The following SPATA13 variants were observed in gnomAD, a reference collection of about 807,000 sequenced individuals.
SPATA13 encodes the protein spermatogenesis-associated protein 13.
In SPATA13, 50 loss-of-function variants were observed where a neutral mutation model predicts 104.0. That is an observed-to-expected ratio of 0.48 (90% CI 0.38 to 0.61). The LOEUF (loss-of-function observed/expected upper bound fraction) is 0.61, where lower values mean the gene tolerates loss of function less well. SPATA13 is among the 20% of genes least tolerant of loss of function. SPATA13 has a pLI of 0.00. For missense variants in SPATA13, 1,524 were observed against 1,690.6 expected, an observed-to-expected ratio of 0.90 and a Z score of 1.73; for synonymous variants, 606 against 667.5, an observed-to-expected ratio of 0.91 and a Z score of 1.42.
At chr13:24,120,043 G>T (rs558315654) in intron 3 of SPATA13, among the ~76,000 whole-genome samples, 1 of 152,122 alleles carries the variant, frequency 6.6e-6, no homozygotes, top group Non-Finnish European at 1.5e-5. Context: ...AATGGCCGTT[G>T]TTCCATTGAT....
chr13:24,211,147 A>G (rs188667456), intron 1 of SPATA13, among the ~76,000 whole-genome samples: 1 of 152,316 alleles, frequency 6.6e-6, no homozygotes, highest in Admixed American at 6.5e-5. Context: ...ATTAGTTCTA[A>G]CAGTTTTATG....
At chr13:24,184,590 A>G (rs1566137826) in intron 1 of SPATA13, among the ~76,000 whole-genome samples, 3 of 152,090 alleles carry the variant, frequency 2.0e-5, no homozygotes, top group Non-Finnish European at 2.9e-5. Flanking sequence ...CTGATGTGTA[A>G]TTGTTGTTAT....
At chr13:24,083,865 A>T (rs1036997115) in intron 3 of SPATA13, among the ~76,000 whole-genome samples, 1 of 151,850 alleles carries the variant, frequency 6.6e-6, no homozygotes, top group Non-Finnish European at 1.5e-5. Flanking sequence ...TGGGGGAAAA[A>T]ACCCCCGTCT....
chr13:24,050,059 G>C (rs897365208), intron 3 of SPATA13, among the ~76,000 whole-genome samples: 1 of 152,046 alleles, frequency 6.6e-6, no homozygotes, highest in Non-Finnish European at 1.5e-5. Flanking sequence ...TTTTAGTAGA[G>C]ATAGGGTTTC....
chr13:24,019,269 T>C (rs1876863479), intron 3 of SPATA13, among the ~76,000 whole-genome samples: 1 of 151,708 alleles, frequency 6.6e-6, no homozygotes, highest in East Asian at 1.9e-4. Context: ...TTTGTATTTT[T>C]AGTAGAGACG....
intron 3 of SPATA13, among the ~76,000 whole-genome samples, chr13:24,040,502 C>T (rs1428553134): frequency 6.6e-6 from 1 of 152,152 alleles, no homozygotes; most frequent in Non-Finnish European, 1.5e-5. Flanking sequence ...GTTCTACAGA[C>T]ACACAGATGG....
In SPATA13 at chr13:24,223,163, CAGTCGGAAG is replaced by C. The variant is rs1236891127; in HGVS notation, c.237_245del (p.Ser79_Lys81del). The C allele has an allele frequency of 6.4e-6, 10 of 1,551,622 alleles. No individual in the cohort carries two copies. The Admixed American group carries it at 2.0e-4, about 30-fold the overall frequency. On this transcript the variant is annotated inframe_deletion, in exon 2 of 13. Transcript: ENST00000382108. The stretch of plus-strand genomic sequence containing the variant: ...CCAAGCTTGTGCGCCTCTTTTCCAC[CAGTCGGAAG>C]AGGACGGGTGCCCACCCCGAGCGGC...
chr13:24,096,564 C>T (rs1880092988), intron 3 of SPATA13, among the ~76,000 whole-genome samples: 1 of 152,112 alleles, frequency 6.6e-6, no homozygotes, highest in Non-Finnish European at 1.5e-5. Flanking sequence ...GCACCACAGC[C>T]TGGGCAGCAG....
At chr13:24,069,460 A>C (rs886163306) in intron 3 of SPATA13, among the ~76,000 whole-genome samples, 3 of 152,180 alleles carry the variant, frequency 2.0e-5, no homozygotes, top group African/African-American at 7.2e-5. Context: ...TGATTTCTGC[A>C]CATTGATTTT....
At chr13:24,079,093 G>A (rs1003335535) in intron 3 of SPATA13, among the ~76,000 whole-genome samples, 6 of 152,166 alleles carry the variant, frequency 3.9e-5, no homozygotes, top group African/African-American at 1.4e-4. Flanking sequence ...ATCTGATAAC[G>A]GAGGATGAGT....
intron 2 of SPATA13, among the ~76,000 whole-genome samples, chr13:24,007,261 G>A (rs1452671973): frequency 6.6e-6 from 1 of 152,180 alleles, no homozygotes; most frequent in Admixed American, 6.5e-5. Flanking sequence ...GCCAGCCTCT[G>A]GTCAGAGGAA....
chr13:24,170,504 C>T (rs1222579078), intron 1 of SPATA13, among the ~76,000 whole-genome samples: 1 of 152,198 alleles, frequency 6.6e-6, no homozygotes, highest in Non-Finnish European at 1.5e-5. Context: ...TGTCTGTCGT[C>T]AGCAAGAGGT....
rs538816422 is a variant in SPATA13, at chr13:24,030,106, A to G, written c.-112+12405A>G. On this transcript the variant is annotated intron_variant, in intron 3 of 14. Transcript: ENST00000424834. ...CACACACACATACATACATACATAC[A>G]TATACCCTCCCCTATCATCCACATC... 1.8e-4 allele frequency among the ~76,000 whole-genome samples: 27 copies of G among 151,712 alleles called. No individual in the cohort carries two copies. The East Asian group carries it at 4.9e-3, about 27-fold the overall frequency.
At chr13:23,981,370 T>C (rs1207051426) in intron 1 of SPATA13, among the ~76,000 whole-genome samples, 1 of 152,246 alleles carries the variant, frequency 6.6e-6, no homozygotes, top group Non-Finnish European at 1.5e-5. Flanking sequence ...ATTTGTTTAC[T>C]CAGATACTCA....
chr13:24,179,168 C>A (rs938614171), intron 1 of SPATA13, among the ~76,000 whole-genome samples: 2 of 152,166 alleles, frequency 1.3e-5, no homozygotes, highest in Admixed American at 1.3e-4. Flanking sequence ...TGTATGTATT[C>A]ATTCATCAGT....
At chr13:24,227,859 C>G (rs752217314) in intron 2 of SPATA13, among the ~76,000 whole-genome samples, 1 of 152,054 alleles carries the variant, frequency 6.6e-6, no homozygotes, top group South Asian at 2.1e-4. Flanking sequence ...TGTGAGCCAC[C>G]ACGCCCGGCC....
intron 2 of SPATA13, among the ~76,000 whole-genome samples, chr13:23,998,953 T>C (rs1329537524): frequency 2.1e-5 from 3 of 143,192 alleles, no homozygotes; most frequent in Non-Finnish European, 4.5e-5. Flanking sequence ...TGAGATGGAG[T>C]CTTGCTGTGT....
chr13:24,257,829 G>T lies in SPATA13; in HGVS notation c.2164+5967G>T, dbSNP rs570462199. Among the ~76,000 whole-genome samples the T allele has an allele frequency of 7.2e-5, 11 of 152,174 alleles. No individual in the cohort carries two copies. In the South Asian group the frequency reaches 2.1e-3, roughly 29 times the overall value. On this transcript the variant is annotated intron_variant, in intron 4 of 12. Coordinates refer to ENST00000382108, the MANE Select transcript of SPATA13 (RefSeq NM_001166271.3). ...CAACCAAAAATTGAGTCCTTTAAAGGCAGGTTATAAATAAATAACATCTTG... is the reference window on the plus strand; with the variant it reads ...CAACCAAAAATTGAGTCCTTTAAAGTCAGGTTATAAATAAATAACATCTTG...
chr13:24,198,266 T>G (rs1870197285), intron 1 of SPATA13, among the ~76,000 whole-genome samples: 2 of 152,202 alleles, frequency 1.3e-5, no homozygotes, highest in Admixed American at 1.3e-4. Flanking sequence ...GTGCTGAGAT[T>G]ACAGGCGTGA....
Sources: gnomAD v4.1 joint callset for allele counts (sites outside exome capture counted in the v4.1 genomes callset) on GRCh38, gnomAD v4.1.1 for gene constraint, MANE v1.5 for transcripts, NCBI Gene and HGNC (gene_info 2026-07-23, HGNC 2026-07-21) for gene names.